The following ZNF746 variants were observed in gnomAD, a reference collection of about 807,000 sequenced individuals.
ZNF746 encodes parkin-interacting substrate.
In ZNF746, 13 loss-of-function variants were observed where a neutral mutation model predicts 41.0. The observed-to-expected ratio is 0.32, with a 90% CI of 0.21 to 0.50. The LOEUF is 0.50. ZNF746 is among the 20% of genes least tolerant of loss of function. The probability of loss-of-function intolerance (pLI) is 0.98; values close to 1 mark genes in which losing one functional copy is unlikely to be tolerated. For missense variants in ZNF746, 811 were observed against 922.9 expected, an observed-to-expected ratio of 0.88 and a Z score of 1.57; for synonymous variants, 424 against 396.2, an observed-to-expected ratio of 1.07 and a Z score of -0.83.
In ZNF746 at chr7:149,474,535, G is replaced by T; in HGVS notation, c.1832C>A (p.Pro611Gln). ...QRNHAAGAKT[P>Q]ARGQPLPTPP... Reference sequence around the variant, plus strand: ...CGTCGGGAGTGGCTGGCCTCGGGCCGGGGTCTTGGCGCCCGCTGCATGGTT... The same window carrying T: ...CGTCGGGAGTGGCTGGCCTCGGGCCTGGGTCTTGGCGCCCGCTGCATGGTT... Residue 611 changes from proline (P) to glutamine (Q), a missense_variant, in exon 7 of 7, where the codon CCG becomes CAG. Coordinates refer to ENST00000458143, the MANE Select transcript of ZNF746 (RefSeq NM_001394198.1). This position sits in a 1 kb window ranked among gnomAD's most constrained non-coding sequence, Gnocchi z 6.3. 1 of 1,607,208 alleles carries T rather than the reference G, an allele frequency of 6.2e-7. No homozygotes were observed.
At chr7:149,491,370 G>GGAA (rs1800802831) in intron 4 of ZNF746, 1 of 156,316 alleles carries the variant, frequency 6.4e-6, no homozygotes, top group Admixed American at 6.2e-5. Context: ...TGGAAGTGAG[G>GGAA]GAAGCCTCCA....
chr7:149,492,200 C>A (rs1447875170), intron 4 of ZNF746, among the ~76,000 whole-genome samples: 1 of 152,180 alleles, frequency 6.6e-6, no homozygotes, highest in Admixed American at 6.5e-5. Context: ...GCTTCTGTCA[C>A]CCCTGAGACA....
In ZNF746 at chr7:149,474,084, AC is replaced by A. The variant is rs1188162261; in HGVS notation, c.*299del. 2.3e-6 allele frequency: 1 copy of A among 429,370 alleles called. No homozygotes were observed. The highest frequency in any genetic ancestry group is 4.2e-6 in the Non-Finnish European group (1 of 235,410). The allele number at this position is 429,370 out of a possible 1,614,324, so 26.6% of individuals were successfully genotyped here. ...CCTACAAAATTTAAATAGCCCTATT[AC>A]TATTTTCCAGCTTTTTCCTCAAGAA... On this transcript the variant is annotated 3_prime_UTR_variant, in exon 7 of 7. Transcript: ENST00000458143. The surrounding 1 kb of genome is among the most constrained non-coding windows in gnomAD (Gnocchi z 6.3).
At chr7:149,485,494 C>T (rs1429156873) in intron 4 of ZNF746, among the ~76,000 whole-genome samples, 2 of 152,178 alleles carry the variant, frequency 1.3e-5, no homozygotes, top group Admixed American at 6.5e-5. Context: ...GGATGAAGAA[C>T]TTGAACATGA....
In ZNF746 at chr7:149,494,150, C is replaced by A; in HGVS notation, c.325-35G>T. 1 of 1,614,042 alleles carries A rather than the reference C, an allele frequency of 6.2e-7. No individual in the cohort carries two copies. The highest frequency in any genetic ancestry group is 1.7e-5 in the Admixed American group (1 of 60,036). ...CAAGTGTCACACTCGCTCACCCACA[C>A]GCTCACGGGTTTGGCCGCTTGGGCT... On this transcript the variant is annotated intron_variant, in intron 2 of 6. Coordinates refer to ENST00000458143, the MANE Select transcript of ZNF746 (RefSeq NM_001394198.1). The surrounding 1 kb of genome is among the most constrained non-coding windows in gnomAD (Gnocchi z 5.6).
chr7:149,495,659 T>G (rs1240416197), intron 1 of ZNF746, among the ~76,000 whole-genome samples: 2 of 152,176 alleles, frequency 1.3e-5, no homozygotes, highest in African/African-American at 4.8e-5. Context: ...AATGAAGAAG[T>G]AGCTACTAGA....
chr7:149,484,758 C>T (rs1014033450), intron 4 of ZNF746, among the ~76,000 whole-genome samples: 1 of 151,684 alleles, frequency 6.6e-6, no homozygotes, highest in African/African-American at 2.4e-5. Flanking sequence ...TTCAGAAAAA[C>T]TGAGAATGAT....
chr7:149,484,009 A>C (rs1228998273), intron 4 of ZNF746, among the ~76,000 whole-genome samples: 1 of 152,224 alleles, frequency 6.6e-6, no homozygotes, highest in Non-Finnish European at 1.5e-5. Flanking sequence ...TGCCAAAACT[A>C]AAGAAGAAAT....
intron 1 of ZNF746, among the ~76,000 whole-genome samples, chr7:149,495,298 G>A (rs1249404890): frequency 3.9e-5 from 6 of 152,082 alleles, no homozygotes; most frequent in Admixed American, 6.5e-5. Context: ...GACGGCCTCC[G>A]ACATTTTTGT....
At position 149,474,821 on chromosome 7, in the gene ZNF746, C is replaced by G; in HGVS notation, c.1546G>C (p.Gly516Arg). ...CTGCCATCCCGTGCGCTGCCCCCAC[C>G]GCTGCCGCCACCGCCGCCGCCACTG... ...SGSGGGGGGSGGGSARDGSAL... is the reference protein window; with the variant it reads ...SGSGGGGGGSRGGSARDGSAL... The change falls in exon 7 of 7, where the codon GGT (glycine) becomes CGT (arginine). Residue 516 changes from glycine to arginine, a missense_variant. Transcript: ENST00000458143. This position sits in a 1 kb window ranked among gnomAD's most constrained non-coding sequence, Gnocchi z 6.3. The G allele has an allele frequency of 7.0e-7, 1 of 1,437,578 alleles. No homozygotes were observed. The highest frequency in any genetic ancestry group is 9.1e-7 in the Non-Finnish European group (1 of 1,102,194). The allele number at this position is 1,437,578 out of a possible 1,614,324, so 89.1% of individuals were successfully genotyped here. A position where few individuals can be genotyped will look rare whatever the true frequency, so the allele number is the denominator to read the frequency against.
intron 4 of ZNF746, among the ~76,000 whole-genome samples, chr7:149,478,678 G>A (rs1762161674): frequency 6.6e-6 from 1 of 152,212 alleles, no homozygotes; most frequent in African/African-American, 2.4e-5. Context: ...AAATGGCCAT[G>A]AGAGTCATGG....
intron 4 of ZNF746, among the ~76,000 whole-genome samples, chr7:149,478,121 C>G (rs186087530): frequency 3.5e-5 from 5 of 143,686 alleles, no homozygotes; most frequent in Non-Finnish European, 7.6e-5. Flanking sequence ...AAAACCTTCC[C>G]CCCTCATATA....
In ZNF746 at chr7:149,474,527, C is replaced by A; in HGVS notation, c.1840G>T (p.Gly614Cys). Residue 614 changes from glycine (G) to cysteine (C), a missense_variant, in exon 7 of 7, where the codon GGC (glycine) becomes TGC (cysteine). By Grantham distance (159) the Gly-to-Cys change is radical. Transcript: ENST00000458143. This position sits in a 1 kb window ranked among gnomAD's most constrained non-coding sequence, Gnocchi z 6.3. The part of the protein sequence containing the change: ...HAAGAKTPAR[G>C]QPLPTPPAPP... ...GCGGGCGGCGTCGGGAGTGGCTGGCCTCGGGCCGGGGTCTTGGCGCCCGCT... is the reference window on the plus strand; with the variant it reads ...GCGGGCGGCGTCGGGAGTGGCTGGCATCGGGCCGGGGTCTTGGCGCCCGCT... 6.2e-7 allele frequency: 1 copy of A among 1,607,356 alleles called. No homozygotes were observed.
chr7:149,477,197 G>T, intron 5 of ZNF746, 150 bp from the exon 6 acceptor site: 2 of 988,596 alleles, frequency 2.0e-6, no homozygotes, highest in Non-Finnish European at 2.9e-6. Flanking sequence ...TGAACCCAGT[G>T]TCTTTTGTCC....
Position 149,494,105 on chromosome 7 carries a change from G to T in ZNF746, c.335C>A (p.Thr112Asn). ...GAAATACACGGCCACATCATCAAAGGTCACGGGCACCTGGAACCACAAGTG... is the reference window on the plus strand; with the variant it reads ...GAAATACACGGCCACATCATCAAAGTTCACGGGCACCTGGAACCACAAGTG... Reference protein sequence around the residue: ...SKGESPKVPVTFDDVAVYFSE... With the variant: ...SKGESPKVPVNFDDVAVYFSE... The change falls in exon 3 of 7, where the codon ACC becomes AAC. Residue 112 changes from threonine (T) to asparagine (N), a missense_variant. Around this residue, in one of 4 missense-constraint regions of ZNF746, gnomAD observed 147 missense variants for 233.4 expected, o/e 0.63. Coordinates refer to ENST00000458143, the MANE Select transcript of ZNF746 (RefSeq NM_001394198.1). The surrounding 1 kb of genome is among the most constrained non-coding windows in gnomAD (Gnocchi z 5.6). 1 of 1,614,110 alleles carries T rather than the reference G, an allele frequency of 6.2e-7. No homozygotes were observed. The highest frequency in any genetic ancestry group is 8.5e-7 in the Non-Finnish European group (1 of 1,180,032).
At position 149,477,684 on chromosome 7, in the gene ZNF746, C is replaced by CCTGGAG; in HGVS notation, c.631_636dup (p.Leu211_Gln212dup). ...GCCTCCACGCCCAGGGCCTGCTGCT[C>CCTGGAG]CTGGAGCTGGAGCTCACCCTCCTGC... is the stretch of plus-strand genomic sequence containing the variant. On this transcript the variant is annotated inframe_insertion, in exon 5 of 7. Transcript: ENST00000458143. 1.9e-6 allele frequency: 3 copies of CCTGGAG among 1,613,990 alleles called. No homozygotes were observed. Among genetic ancestry groups the CCTGGAG allele is most frequent in the Non-Finnish European group, 2.5e-6 (3 of 1,179,964 alleles).
intron 1 of ZNF746, chr7:149,496,752 G>C (rs941465210): frequency 1.1e-6 from 1 of 924,820 alleles, no homozygotes; most frequent in African/African-American, 1.8e-5. Flanking sequence ...GAGGCCCCCT[G>C]ACACTCCTTC....
At position 149,494,214 on chromosome 7, in the gene ZNF746, T is replaced by G; in HGVS notation, c.314A>C (p.Glu105Ala). The stretch of plus-strand genomic sequence containing the variant: ...GCGTCCCAGGGCTACCTTAGGGGAC[T>G]CCCCCTTGCTGCCCGGGGGCAGCCG... The part of the protein sequence containing the change: ...ILRLPPGSKG[E>A]SPKVPVTFDD... Residue 105 changes from glutamate (E) to alanine (A), a missense_variant, in exon 2 of 7, where the codon GAG (glutamate) becomes GCG (alanine). Physicochemically the swap from Glu to Ala is moderately radical, Grantham distance 107. This residue lies in a region of ZNF746 where 147 missense variants were observed against 233.4 expected (regional missense o/e 0.63). Transcript: ENST00000458143. The surrounding 1 kb of genome is among the most constrained non-coding windows in gnomAD (Gnocchi z 5.6). The G allele has an allele frequency of 6.2e-7, 1 of 1,614,086 alleles. No individual in the cohort carries two copies. The highest frequency in any genetic ancestry group is 8.5e-7 in the Non-Finnish European group (1 of 1,179,994).
intron 4 of ZNF746, chr7:149,488,656 T>C (rs2116474182): frequency 6.6e-6 from 1 of 152,276 alleles, no homozygotes; most frequent in African/African-American, 2.4e-5. Context: ...CGAGAGGCCA[T>C]CTCACCCCCA....
Sources: gnomAD v4.1 joint callset for allele counts (sites outside exome capture counted in the v4.1 genomes callset) on GRCh38, gnomAD v4.1.1 for gene constraint, gnomAD v4.1.1 regional missense constraint, Gnocchi (gnomAD v3.1) non-coding constraint, MANE v1.5 for transcripts, NCBI Gene and HGNC (gene_info 2026-07-23, HGNC 2026-07-21) for gene names.